EBF3: variants seen among roughly 807,000 people sequenced by gnomAD.
EBF3 encodes transcription factor COE3.
EBF3 carries 18 observed loss-of-function variants against 77.1 expected under a neutral mutation model. The ratio of observed to expected loss-of-function variants is 0.23; its 90% confidence interval spans 0.16 to 0.35. The LOEUF (loss-of-function observed/expected upper bound fraction) is 0.35. Among genes scored for constraint, EBF3 ranks in the 10% least tolerant of loss-of-function variants. The probability of loss-of-function intolerance (pLI) is 1.00; values close to 1 mark genes in which losing one functional copy is unlikely to be tolerated. For synonymous variants in EBF3, 350 were observed against 343.5 expected, an observed-to-expected ratio of 1.02 and a Z score of -0.21; for missense variants, 558 against 860.0, an observed-to-expected ratio of 0.65 and a Z score of 4.39.
intron 3 of EBF3, 63 bp from the exon 4 acceptor site, chr10:129,962,289 C>T (rs2134649666): frequency 1.3e-6 from 2 of 1,530,318 alleles, no homozygotes; most frequent in Non-Finnish European, 1.8e-6. Flanking sequence ...GGAGGGCACA[C>T]GGAGCACAGG....
rs57387502 is a variant in EBF3, at chr10:129,943,590, G to C, written c.554+13668C>G. Among the ~76,000 whole-genome samples, 11,223 of 152,284 alleles carry C rather than the reference G, an allele frequency of 0.074. 453 individuals carry two copies. The highest frequency in any genetic ancestry group is 0.17 in the Middle Eastern group (50 of 294). On this transcript the variant is annotated intron_variant, in intron 6 of 16. Transcript: ENST00000440978. This position sits in a 1 kb window ranked among gnomAD's most constrained non-coding sequence, Gnocchi z 8.8. The stretch of plus-strand genomic sequence containing the variant: ...CTCAAGTGGTTGCCAGGAGTCGCCA[G>C]CCGGGCTTGGGAACAAGACAGGTCC...
At chr10:129,921,259 G>T (rs975513535) in intron 6 of EBF3, among the ~76,000 whole-genome samples, 3 of 152,196 alleles carry the variant, frequency 2.0e-5, no homozygotes, top group Non-Finnish European at 4.4e-5. Context: ...GACGGCGGGG[G>T]TGGTCACTGC....
intron 11 of EBF3, among the ~76,000 whole-genome samples, chr10:129,844,865 TAA>T (rs544983736): frequency 4.6e-5 from 7 of 152,210 alleles, no homozygotes; most frequent in Non-Finnish European, 1.0e-4. Flanking sequence ...GTGAGCAAGA[TAA>T]AGTGTTTTTC....
chr10:129,860,213 A>T (rs1373648092), intron 10 of EBF3, among the ~76,000 whole-genome samples: 1 of 151,928 alleles, frequency 6.6e-6, no homozygotes, highest in African/African-American at 2.4e-5. Context: ...TCAGAAACTC[A>T]AAAGTCCGGA....
chr10:129,866,418 T>C (rs928517705), intron 10 of EBF3, among the ~76,000 whole-genome samples: 5 of 152,136 alleles, frequency 3.3e-5, no homozygotes, highest in African/African-American at 9.7e-5. Context: ...CCCAGCCAAT[T>C]TGAAGTTTAG....
chr10:129,842,409 A>C lies in EBF3; in HGVS notation c.1195-116T>G. ...TGTCCCTTGCCCAGACCATGACCAA[A>C]TCTATTTCTTAATGGGCAAAGAGCT... On this transcript the variant is annotated intron_variant, in intron 12 of 16. Transcript: ENST00000440978. The surrounding 1 kb of genome is among the most constrained non-coding windows in gnomAD (Gnocchi z 4.4). 1 of 1,202,670 alleles carries C rather than the reference A, an allele frequency of 8.3e-7. No individual in the cohort carries two copies. Among genetic ancestry groups the C allele is most frequent in the Non-Finnish European group, 1.1e-6 (1 of 880,800 alleles). 74.5% of individuals were successfully genotyped at this position (1,202,670 alleles called of 1,614,324 possible).
rs2134514619 is a variant in EBF3, at chr10:129,944,338, AT to A, written c.554+12919del. ...CTTGGTGGCTGGACATGCAGGGAACATTTTTATTGTTAATCAATGCCAATCA... is the reference window on the plus strand; with the variant it reads ...CTTGGTGGCTGGACATGCAGGGAACATTTTATTGTTAATCAATGCCAATCA... On this transcript the variant is annotated intron_variant, in intron 6 of 16. Transcript: ENST00000440978. The surrounding 1 kb of genome is among the most constrained non-coding windows in gnomAD (Gnocchi z 5.1). Among the ~76,000 whole-genome samples, 1 of 152,308 alleles carries A rather than the reference AT, an allele frequency of 6.6e-6. No homozygotes were observed. The highest frequency in any genetic ancestry group is 2.1e-4 in the South Asian group (1 of 4,830).
rs569701907 is a variant in EBF3, at chr10:129,864,670, A to G, written c.1039+2471T>C. Among the ~76,000 whole-genome samples the G allele has an allele frequency of 6.6e-6, 1 of 152,338 alleles. No homozygotes were observed. Among genetic ancestry groups the G allele is most frequent in the East Asian group, 1.9e-4 (1 of 5,180 alleles). ...CATCCATTTTTGTGCAGAGGAAGTCAGTCTTGCCACATGCAAACACATGTC... is the reference window on the plus strand; with the variant it reads ...CATCCATTTTTGTGCAGAGGAAGTCGGTCTTGCCACATGCAAACACATGTC... On this transcript the variant is annotated intron_variant, in intron 10 of 16. Coordinates refer to ENST00000440978, the MANE Select transcript of EBF3 (RefSeq NM_001375380.1). The surrounding 1 kb of genome is among the most constrained non-coding windows in gnomAD (Gnocchi z 4.4).
chr10:129,945,471 G>A (rs529611252), intron 6 of EBF3, among the ~76,000 whole-genome samples: 7 of 152,288 alleles, frequency 4.6e-5, no homozygotes, highest in South Asian at 2.1e-4. Context: ...CACGGATTCC[G>A]TACAGTCCTC....
chr10:129,920,458 C>T (rs1382247315), intron 6 of EBF3, among the ~76,000 whole-genome samples: 1 of 151,792 alleles, frequency 6.6e-6, no homozygotes, highest in Non-Finnish European at 1.5e-5. Context: ...GCACCAAGGG[C>T]GGGGGCGGCA....
Position 129,897,816 on chromosome 10 carries a change from G to A in EBF3, c.555-19967C>T, listed in dbSNP as rs1854500015. Among the ~76,000 whole-genome samples the A allele has an allele frequency of 1.3e-5, 2 of 152,172 alleles. No individual in the cohort carries two copies. Among genetic ancestry groups the A allele is most frequent in the Non-Finnish European group, 2.9e-5 (2 of 68,038 alleles). On this transcript the variant is annotated intron_variant, in intron 6 of 16. Transcript: ENST00000440978. The surrounding 1 kb of genome is among the most constrained non-coding windows in gnomAD (Gnocchi z 4.6). ...TTTATCGTGACGGGGCCACTTGTGGGTATGCGAGTACATGGCGGCCAGAGG... is the reference window on the plus strand; with the variant it reads ...TTTATCGTGACGGGGCCACTTGTGGATATGCGAGTACATGGCGGCCAGAGG...
At chr10:129,957,148 G>T in intron 6 of EBF3, 110 bp downstream of exon 6, 1 of 957,228 alleles carries the variant, frequency 1.0e-6, no homozygotes, top group Non-Finnish European at 1.6e-6. Flanking sequence ...CAATGCACAA[G>T]ATGGGCTCGA....
chr10:129,845,014 AC>A (rs748824674), intron 11 of EBF3, among the ~76,000 whole-genome samples: 3 of 152,216 alleles, frequency 2.0e-5, no homozygotes, highest in Admixed American at 2.0e-4. Flanking sequence ...AAAATATCCT[AC>A]ACCTACTTGT....
chr10:129,895,135 G>A (rs947108661), intron 6 of EBF3, among the ~76,000 whole-genome samples: 2 of 152,230 alleles, frequency 1.3e-5, no homozygotes, highest in Admixed American at 6.5e-5. Flanking sequence ...TAATTTTGCC[G>A]AGATTCCATT....
At chr10:129,849,645 C>T (rs1850719079) in intron 10 of EBF3, among the ~76,000 whole-genome samples, 1 of 152,220 alleles carries the variant, frequency 6.6e-6, no homozygotes, top group African/African-American at 2.4e-5. Flanking sequence ...CGCACGTACA[C>T]TCAATAATGC....
Position 129,889,537 on chromosome 10 carries a change from C to G in EBF3, c.555-11688G>C, listed in dbSNP as rs558090389. On this transcript the variant is annotated intron_variant, in intron 6 of 16. Coordinates refer to ENST00000440978, the MANE Select transcript of EBF3 (RefSeq NM_001375380.1). Reference sequence around the variant, plus strand: ...TCCACCTGCTCCCCAAACTCTGCAGCCTCCCTGCACCCCCCACCCGCTAAA... The same window carrying G: ...TCCACCTGCTCCCCAAACTCTGCAGGCTCCCTGCACCCCCCACCCGCTAAA... Among the ~76,000 whole-genome samples the G allele has an allele frequency of 2.0e-5, 3 of 152,338 alleles. No homozygotes were observed. In the East Asian group the frequency reaches 5.8e-4, roughly 29 times the overall value.
At position 129,840,324 on chromosome 10, in the gene EBF3, C is replaced by A; in HGVS notation, c.1680G>T (p.Lys560Asn). The change falls in exon 15 of 17, where the codon AAG becomes AAT. Residue 560 changes from lysine (K) to asparagine (N), a missense_variant. Physicochemically the swap from Lys to Asn is moderately conservative, Grantham distance 94 (BLOSUM62 0). Coordinates refer to ENST00000440978, the MANE Select transcript of EBF3 (RefSeq NM_001375380.1). ...GCCGGACCACGGGCGCGAAGGCGCT[C>A]TTCTGTTTCACTGCGGAGATGACAT... ...PANVISAVKQ[K>N]SAFAPVVRPQ... is the part of the protein sequence containing the mutation. The A allele has an allele frequency of 6.3e-7, 1 of 1,589,032 alleles. No individual in the cohort carries two copies. The highest frequency in any genetic ancestry group is 1.3e-5 in the African/African-American group (1 of 74,750).
rs1200585588 is a variant in EBF3 at position 129,840,541 on chromosome 10, G to A, written c.1562-99C>T. ...GCCTCGGACGGGGGGGCAGGGGCAC[G>A]AAAACAAAACATGACATGCGTCTGG... On this transcript the variant is annotated intron_variant, in intron 14 of 16. Transcript: ENST00000440978. The A allele has an allele frequency of 1.8e-5, 24 of 1,353,202 alleles. No homozygotes were observed. The East Asian group carries it at 2.5e-4, about 14-fold the overall frequency. The allele number at this position is 1,353,202 out of a possible 1,614,324, so 83.8% of individuals were successfully genotyped here. A position where few individuals can be genotyped will look rare whatever the true frequency, so the allele number is the denominator to read the frequency against.
chr10:129,909,648 G>A (rs1444968265), intron 6 of EBF3, among the ~76,000 whole-genome samples: 1 of 152,202 alleles, frequency 6.6e-6, no homozygotes, highest in Non-Finnish European at 1.5e-5. Context: ...AGGTGGCCCA[G>A]TGAGGCTGGT....
Sources: allele counts gnomAD v4.1 joint callset (sites outside exome capture counted in the v4.1 genomes callset), GRCh38; gene constraint gnomAD v4.1.1; non-coding constraint Gnocchi (gnomAD v3.1); transcripts MANE v1.5; gene names NCBI Gene and HGNC (gene_info 2026-07-23, HGNC 2026-07-21).